Variants in HS3ST5 observed in about 807,000 individuals in gnomAD.
The protein encoded by HS3ST5 is heparan sulfate-glucosamine 3-sulfotransferase 5, also known as heparan sulfate glucosamine 3-O-sulfotransferase 5.
In HS3ST5, 10 loss-of-function variants were observed where a neutral mutation model predicts 25.4. The ratio of observed to expected loss-of-function variants is 0.39; its 90% CI spans 0.24 to 0.67. HS3ST5 has a LOEUF of 0.67. Among genes scored for constraint, HS3ST5 ranks in the 30% least tolerant of loss-of-function variants. The pLI, the probability that HS3ST5 is intolerant of heterozygous loss-of-function variation, is 0.44. For missense variants in HS3ST5, 324 were observed against 420.7 expected (o/e 0.77, Z 2.01); for synonymous variants, 170 against 162.4 (o/e 1.05, Z -0.36).
intron 2 of HS3ST5, among the ~76,000 whole-genome samples, chr6:114,218,822 T>C (rs1240477692): frequency 6.6e-6 from 1 of 152,192 alleles, no homozygotes; most frequent in Non-Finnish European, 1.5e-5. Flanking sequence ...AAATCTATTT[T>C]TTTTTGCTTA....
chr6:114,197,183 A>G (rs534776055), intron 2 of HS3ST5, among the ~76,000 whole-genome samples: 1 of 151,722 alleles, frequency 6.6e-6, no homozygotes, highest in Non-Finnish European at 1.5e-5. Flanking sequence ...TAGACAAATA[A>G]ATGAATGAAC....
intron 1 of HS3ST5, among the ~76,000 whole-genome samples, chr6:114,277,084 A>G (rs1251112476): frequency 6.6e-6 from 1 of 151,964 alleles, no homozygotes; most frequent in East Asian, 1.9e-4. Flanking sequence ...CTATAGTCAG[A>G]GTATTTTGGG....
chr6:114,158,830 A>C (rs1778813250), intron 3 of HS3ST5, among the ~76,000 whole-genome samples: 1 of 152,318 alleles, frequency 6.6e-6, no homozygotes, highest in African/African-American at 2.4e-5. Flanking sequence ...ATTACAGGGA[A>C]GCATATAATT....
chr6:114,276,200 G>A (rs1773847026), intron 1 of HS3ST5, among the ~76,000 whole-genome samples: 2 of 140,902 alleles, frequency 1.4e-5, no homozygotes, highest in South Asian at 2.3e-4. Context: ...TAACACCAAA[G>A]TTTAAATAAA....
chr6:114,337,172 T>A (rs1776642394), intron 1 of HS3ST5, among the ~76,000 whole-genome samples: 1 of 152,214 alleles, frequency 6.6e-6, no homozygotes, highest in South Asian at 2.1e-4. Flanking sequence ...GAGATCATCA[T>A]GACAAAATAA....
chr6:114,262,894 A>G lies in HS3ST5; in HGVS notation c.-338-34116T>C, dbSNP rs532920744. Among the ~76,000 whole-genome samples, 211 of 152,284 alleles carry G rather than the reference A, an allele frequency of 1.4e-3. 1 individual carries two copies. The highest frequency in any genetic ancestry group is 5.0e-3 in the African/African-American group (208 of 41,572). ...TTGGAAATATATTGAATACAAATCA[A>G]TCTTCTTTGACATTTGAAGATTTTT... On this transcript the variant is annotated intron_variant, in intron 1 of 4. Coordinates refer to ENST00000312719, the MANE Select transcript of HS3ST5 (RefSeq NM_153612.4).
chr6:114,304,179 C>T (rs1775196886), intron 1 of HS3ST5, among the ~76,000 whole-genome samples: 1 of 152,104 alleles, frequency 6.6e-6, no homozygotes, highest in African/African-American at 2.4e-5. Context: ...ACACCTGCTA[C>T]TTATAAGGAA....
At chr6:114,314,690 G>T (rs940065366) in intron 1 of HS3ST5, among the ~76,000 whole-genome samples, 1 of 152,066 alleles carries the variant, frequency 6.6e-6, no homozygotes, top group Non-Finnish European at 1.5e-5. Flanking sequence ...AAGTGAAAAT[G>T]ATCAAAAAAG....
At chr6:114,208,138 A>C (rs1352577938) in intron 2 of HS3ST5, among the ~76,000 whole-genome samples, 1 of 152,222 alleles carries the variant, frequency 6.6e-6, no homozygotes, top group Non-Finnish European at 1.5e-5. Flanking sequence ...TAGCCAACTG[A>C]AAACTTAATC....
chr6:114,154,987 C>G (rs1778630332), intron 3 of HS3ST5, among the ~76,000 whole-genome samples: 1 of 152,162 alleles, frequency 6.6e-6, no homozygotes, highest in African/African-American at 2.4e-5. Context: ...TCCACCACCC[C>G]ACCCCCAGCT....
intron 1 of HS3ST5, among the ~76,000 whole-genome samples, chr6:114,307,122 G>A (rs1277722855): frequency 6.6e-6 from 1 of 152,120 alleles, no homozygotes; most frequent in Non-Finnish European, 1.5e-5. Flanking sequence ...GATACAGAAG[G>A]CCCAAAGCCT....
intron 1 of HS3ST5, among the ~76,000 whole-genome samples, chr6:114,341,674 A>G (rs1174605502): frequency 6.6e-6 from 1 of 151,680 alleles, no homozygotes; most frequent in Non-Finnish European, 1.5e-5. Flanking sequence ...AGCTGGGAAG[A>G]GAAAACCCCA....
intron 1 of HS3ST5, among the ~76,000 whole-genome samples, chr6:114,242,746 G>A (rs1264924521): frequency 6.6e-6 from 1 of 151,898 alleles, no homozygotes; most frequent in Non-Finnish European, 1.5e-5. Context: ...CCAGCTACTC[G>A]GGAGGCTGAG....
intron 2 of HS3ST5, among the ~76,000 whole-genome samples, chr6:114,204,411 G>A (rs1230491311): frequency 6.6e-6 from 1 of 152,084 alleles, no homozygotes; most frequent in African/African-American, 2.4e-5. Flanking sequence ...CTGGTGATTG[G>A]TACTCTTTTA....
At chr6:114,110,533 G>A (rs955265208) in intron 3 of HS3ST5, among the ~76,000 whole-genome samples, 4 of 152,204 alleles carry the variant, frequency 2.6e-5, no homozygotes, top group African/African-American at 9.6e-5. Context: ...CTAGCCAGTA[G>A]AGGCCATTTG....
At chr6:114,194,215 A>G (rs1228192364) in intron 2 of HS3ST5, among the ~76,000 whole-genome samples, 1 of 152,234 alleles carries the variant, frequency 6.6e-6, no homozygotes, top group Admixed American at 6.5e-5. Flanking sequence ...ATTTGGATGC[A>G]AGAAAGACCT....
intron 3 of HS3ST5, among the ~76,000 whole-genome samples, chr6:114,098,010 T>G (rs1040501775): frequency 3.9e-5 from 6 of 152,010 alleles, no homozygotes; most frequent in Non-Finnish European, 7.4e-5. Context: ...GACATTTACT[T>G]CTCTACTTCT....
At chr6:114,199,567 T>A (rs1780916002) in intron 2 of HS3ST5, among the ~76,000 whole-genome samples, 1 of 124,144 alleles carries the variant, frequency 8.1e-6, no homozygotes, top group South Asian at 3.1e-4. Context: ...AGTTAACTAT[T>A]GTAAGGACAA....
intron 2 of HS3ST5, among the ~76,000 whole-genome samples, chr6:114,218,456 G>T (rs1319231337): frequency 6.6e-6 from 1 of 152,088 alleles, no homozygotes; most frequent in African/African-American, 2.4e-5. Flanking sequence ...AACATATATT[G>T]GTATGAATAA....
Sources: allele counts gnomAD v4.1 joint callset (sites outside exome capture counted in the v4.1 genomes callset), GRCh38; gene constraint gnomAD v4.1.1; transcripts MANE v1.5; gene names NCBI Gene and HGNC (gene_info 2026-07-23, HGNC 2026-07-21).